NPAS3: variants seen among roughly 807,000 people sequenced by gnomAD.
The protein encoded by NPAS3 is neuronal PAS domain protein 3.
In NPAS3, 14 loss-of-function variants were observed where a neutral mutation model predicts 73.1. The observed-to-expected ratio is 0.19, with a 90% CI of 0.13 to 0.30. The LOEUF (loss-of-function observed/expected upper bound fraction) is 0.30, where lower values mean the gene tolerates loss of function less well. Among genes scored for constraint, NPAS3 ranks in the 10% least tolerant of loss-of-function variants. The probability of loss-of-function intolerance (pLI) is 1.00; values close to 1 mark genes in which losing one functional copy is unlikely to be tolerated. For synonymous variants in NPAS3, 620 were observed against 541.5 expected (o/e 1.14, Z -2.01); for missense variants, 1,096 against 1,250.0 (o/e 0.88, Z 1.86).
At chr14:33,512,688 T>A (rs1386976359) in intron 4 of NPAS3, among the ~76,000 whole-genome samples, 1 of 152,060 alleles carries the variant, frequency 6.6e-6, no homozygotes, top group Non-Finnish European at 1.5e-5. Context: ...TGGTTTCTTC[T>A]GTGGCAAGGT....
At chr14:33,189,062 C>G (rs373737679) in intron 2 of NPAS3, among the ~76,000 whole-genome samples, 4 of 152,262 alleles carry the variant, frequency 2.6e-5, no homozygotes, top group African/African-American at 9.6e-5. Context: ...CAGTGTTGCA[C>G]AATAATGAAT....
At chr14:32,957,674 A>T (rs2036734564) in intron 1 of NPAS3, among the ~76,000 whole-genome samples, 1 of 152,130 alleles carries the variant, frequency 6.6e-6, no homozygotes, top group African/African-American at 2.4e-5. Flanking sequence ...ACCCGGCCTA[A>T]GTATTCATTT....
chr14:33,540,671 A>T (rs569667062), intron 4 of NPAS3, among the ~76,000 whole-genome samples: 54 of 152,298 alleles, frequency 3.5e-4, no homozygotes, highest in African/African-American at 7.9e-4. Context: ...GAAGGGGGAA[A>T]AATGGGGTCT....
At chr14:33,534,592 A>C (rs1315833082) in intron 4 of NPAS3, among the ~76,000 whole-genome samples, 1 of 152,148 alleles carries the variant, frequency 6.6e-6, no homozygotes, top group Admixed American at 6.6e-5. Flanking sequence ...TGTAGTGAGA[A>C]AGTGTCTGCT....
At chr14:33,355,924 G>T (rs866133151) in intron 3 of NPAS3, among the ~76,000 whole-genome samples, 1 of 152,068 alleles carries the variant, frequency 6.6e-6, no homozygotes, top group African/African-American at 2.4e-5. Context: ...TATTGTTGTC[G>T]TCTGGCTCCC....
At chr14:32,971,740 C>T (rs1022038861) in intron 1 of NPAS3, among the ~76,000 whole-genome samples, 3 of 151,994 alleles carry the variant, frequency 2.0e-5, no homozygotes, top group Non-Finnish European at 4.4e-5. Context: ...TGTTTTATTT[C>T]TGCAATGTAT....
intron 3 of NPAS3, among the ~76,000 whole-genome samples, chr14:33,310,375 C>T (rs2042951731): frequency 6.6e-6 from 1 of 151,710 alleles, no homozygotes; most frequent in Non-Finnish European, 1.5e-5. Flanking sequence ...AACATTATTT[C>T]CAGAAAATTA....
intron 2 of NPAS3, among the ~76,000 whole-genome samples, chr14:33,152,785 G>A (rs1272797302): frequency 6.6e-6 from 1 of 151,802 alleles, no homozygotes; most frequent in Non-Finnish European, 1.5e-5. Flanking sequence ...TGCATGTAAT[G>A]TGGTGTGAAT....
intron 1 of NPAS3, among the ~76,000 whole-genome samples, chr14:32,946,270 G>A (rs1250708001): frequency 6.6e-6 from 1 of 150,898 alleles, no homozygotes; most frequent in Non-Finnish European, 1.5e-5. Flanking sequence ...TTAAAAACAT[G>A]ACATGTTAAA....
chr14:33,468,513 C>T (rs2050633102), intron 4 of NPAS3, among the ~76,000 whole-genome samples: 1 of 152,108 alleles, frequency 6.6e-6, no homozygotes. Flanking sequence ...GTGGACCTGC[C>T]TTGTGGATGC....
intron 6 of NPAS3, among the ~76,000 whole-genome samples, chr14:33,684,762 T>A (rs1364473183): frequency 1.3e-5 from 2 of 152,226 alleles, no homozygotes; most frequent in Non-Finnish European, 2.9e-5. Flanking sequence ...ACACTTGGAC[T>A]CTGCTCTGTG....
chr14:33,539,130 A>G (rs371196809), intron 4 of NPAS3, among the ~76,000 whole-genome samples: 1 of 151,970 alleles, frequency 6.6e-6, no homozygotes, highest in Admixed American at 6.6e-5. Flanking sequence ...TGTGTAGGGG[A>G]AGGAAACGTT....
In NPAS3 at chr14:33,060,177, T is replaced by C. The variant is rs117777703; in HGVS notation, c.140+4183T>C. 2.1e-4 allele frequency among the ~76,000 whole-genome samples: 32 copies of C among 152,240 alleles called. No homozygotes were observed. In the East Asian group the frequency reaches 5.2e-3, roughly 25 times the overall value. ...CACCTATATTAAGAAGAATATGAGATAGTGAGGAAAGATAAGTAGGAAAGA... is the reference window on the plus strand; with the variant it reads ...CACCTATATTAAGAAGAATATGAGACAGTGAGGAAAGATAAGTAGGAAAGA... On this transcript the variant is annotated intron_variant, in intron 2 of 11. Transcript: ENST00000356141.
At chr14:33,381,053 C>A (rs1489054690) in intron 4 of NPAS3, among the ~76,000 whole-genome samples, 1 of 151,504 alleles carries the variant, frequency 6.6e-6, no homozygotes, top group Non-Finnish European at 1.5e-5. Context: ...AATACAAAGG[C>A]AAATGATAAT....
At chr14:33,132,512 T>C (rs1020532527) in intron 2 of NPAS3, among the ~76,000 whole-genome samples, 1 of 151,902 alleles carries the variant, frequency 6.6e-6, no homozygotes, top group African/African-American at 2.4e-5. Context: ...AGGTTAGAGA[T>C]GGAAATTGAG....
At chr14:33,000,795 G>T (rs759409508) in intron 1 of NPAS3, among the ~76,000 whole-genome samples, 2 of 152,174 alleles carry the variant, frequency 1.3e-5, no homozygotes, top group Non-Finnish European at 2.9e-5. Context: ...GTCAGCTGGG[G>T]TAAGTCAGAA....
intron 5 of NPAS3, among the ~76,000 whole-genome samples, chr14:33,667,991 G>A (rs1432482759): frequency 6.6e-6 from 1 of 152,010 alleles, no homozygotes; most frequent in Non-Finnish European, 1.5e-5. Flanking sequence ...GTGGTTTACT[G>A]TACCTATCAA....
intron 1 of NPAS3, among the ~76,000 whole-genome samples, chr14:32,969,275 A>G (rs1164714139): frequency 1.3e-5 from 2 of 152,064 alleles, no homozygotes; most frequent in Non-Finnish European, 2.9e-5. Context: ...TTAGAACCTA[A>G]CCTTAAAAAT....
At chr14:33,258,884 G>C (rs8022971) in intron 3 of NPAS3, among the ~76,000 whole-genome samples, 18,958 of 152,182 alleles carry the variant, frequency 0.12, 1,573 homozygotes, top group Non-Finnish European at 0.2. Context: ...CGTGATCCCT[G>C]CTCACTGCAA....
Sources: gnomAD v4.1 joint callset for allele counts (sites outside exome capture counted in the v4.1 genomes callset) on GRCh38, gnomAD v4.1.1 for gene constraint, MANE v1.5 for transcripts, NCBI Gene and HGNC (gene_info 2026-07-23, HGNC 2026-07-21) for gene names.